VPS8: variants seen among roughly 807,000 people sequenced by gnomAD.
VPS8 encodes vacuolar protein sorting-associated protein 8 homolog.
Under a neutral mutation model 216.4 loss-of-function variants are expected in VPS8, and 129 were observed. The observed-to-expected ratio is 0.60, with a 90% CI of 0.52 to 0.69. VPS8 has a LOEUF of 0.69. Ranked by LOEUF, VPS8 falls within the 30% of genes least tolerant of loss-of-function variation. The probability of loss-of-function intolerance (pLI) is 0.00; values close to 1 mark genes in which losing one functional copy is unlikely to be tolerated. For missense variants in VPS8, 1,531 were observed against 1,683.5 expected (o/e 0.91, Z 1.59); for synonymous variants, 571 against 565.4 (o/e 1.01, Z -0.14).
At position 184,907,997 on chromosome 3, in the gene VPS8, C is replaced by G. The variant is rs113404499; in HGVS notation, c.2147-5522C>G. Among the ~76,000 whole-genome samples, 387 of 152,262 alleles carry G rather than the reference C, an allele frequency of 2.5e-3. 1 individual carries two copies. The highest frequency in any genetic ancestry group is 0.01 in the Middle Eastern group (3 of 294). On this transcript the variant is annotated intron_variant, in intron 25 of 47. Transcript: ENST00000625842. ...ACTCCAGGAATATGTTAGAACTTTTCAAAAGCCCCGCAGATCTCCCGTTCT... is the reference window on the plus strand; with the variant it reads ...ACTCCAGGAATATGTTAGAACTTTTGAAAAGCCCCGCAGATCTCCCGTTCT...
intron 45 of VPS8, among the ~76,000 whole-genome samples, chr3:185,008,059 C>T (rs1274546061): frequency 6.6e-6 from 1 of 151,758 alleles, no homozygotes; most frequent in African/African-American, 2.4e-5. Flanking sequence ...ATATATATTA[C>T]TATAATTAAA....
intron 1 of VPS8, among the ~76,000 whole-genome samples, chr3:184,813,119 G>A (rs1202431856): frequency 1.3e-5 from 2 of 152,116 alleles, no homozygotes; most frequent in Non-Finnish European, 2.9e-5. Context: ...GATAGGGTGG[G>A]AGGAGGTAGG....
intron 25 of VPS8, among the ~76,000 whole-genome samples, chr3:184,904,935 AC>A (rs1188993387): frequency 6.6e-6 from 1 of 152,206 alleles, no homozygotes; most frequent in East Asian, 1.9e-4. Context: ...ACACAAACTT[AC>A]GTCTTACAAT....
intron 13 of VPS8, 146 bp from the exon 14 acceptor site, chr3:184,855,565 C>A: frequency 1.5e-6 from 1 of 661,974 alleles, no homozygotes; most frequent in Non-Finnish European, 2.6e-6. Flanking sequence ...CCTCATGATA[C>A]CTCCCAGTTA....
At chr3:184,915,206 C>T (rs1357391114) in intron 27 of VPS8, 149 bp from the exon 28 acceptor site, 1 of 1,332,274 alleles carries the variant, frequency 7.5e-7, no homozygotes, top group African/African-American at 1.5e-5. Context: ...ATAATTAGAG[C>T]TGAGAAAGAA....
intron 28 of VPS8, among the ~76,000 whole-genome samples, chr3:184,917,498 C>T (rs1344331695): frequency 6.6e-6 from 1 of 152,110 alleles, no homozygotes; most frequent in Non-Finnish European, 1.5e-5. Flanking sequence ...GGCATGATCT[C>T]GGCTCACTGC....
intron 14 of VPS8, among the ~76,000 whole-genome samples, chr3:184,857,712 A>T (rs1222363949): frequency 1.3e-5 from 2 of 152,232 alleles, no homozygotes; most frequent in African/African-American, 4.8e-5. Flanking sequence ...CTCCATTACC[A>T]GTCTAGGCCA....
chr3:185,019,700 A>C (rs555052744), intron 45 of VPS8, among the ~76,000 whole-genome samples: 1 of 152,306 alleles, frequency 6.6e-6, no homozygotes, highest in South Asian at 2.1e-4. Context: ...ACAACCTTCC[A>C]GCGTGGGCGT....
At chr3:184,957,271 GT>G (rs1745761228) in intron 36 of VPS8, 102 bp from the exon 37 acceptor site, 2 of 1,195,700 alleles carry the variant, frequency 1.7e-6, no homozygotes, top group South Asian at 3.2e-5. Flanking sequence ...CCAGCAGGTA[GT>G]CCTAGTTTTA....
chr3:184,964,949 C>A (rs1351774089), intron 38 of VPS8, among the ~76,000 whole-genome samples: 1 of 152,136 alleles, frequency 6.6e-6, no homozygotes, highest in Non-Finnish European at 1.5e-5. Flanking sequence ...GGGATATATA[C>A]CCAGAAGTAG....
intron 45 of VPS8, among the ~76,000 whole-genome samples, chr3:185,004,227 C>T (rs910974404): frequency 2.0e-5 from 3 of 152,068 alleles, no homozygotes; most frequent in Non-Finnish European, 2.9e-5. Context: ...TCTGCAATCC[C>T]GGCACCCCGG....
chr3:184,907,008 A>G (rs1735622062), intron 25 of VPS8, among the ~76,000 whole-genome samples: 1 of 152,166 alleles, frequency 6.6e-6, no homozygotes, highest in African/African-American at 2.4e-5. Flanking sequence ...TAGAAAGTTT[A>G]TCTTGCCAAG....
intron 36 of VPS8, among the ~76,000 whole-genome samples, chr3:184,953,259 T>C (rs1444495775): frequency 6.6e-6 from 1 of 152,154 alleles, no homozygotes; most frequent in Non-Finnish European, 1.5e-5. Context: ...GGAAGAGTTT[T>C]TAAAGGCAGG....
At chr3:184,820,505 A>T (rs1486741488) in intron 1 of VPS8, among the ~76,000 whole-genome samples, 1 of 152,170 alleles carries the variant, frequency 6.6e-6, no homozygotes, top group Admixed American at 6.5e-5. Flanking sequence ...TTGCCATATC[A>T]AGTAACATAT....
chr3:184,903,523 T>G (rs1480982459), intron 25 of VPS8, among the ~76,000 whole-genome samples: 1 of 152,184 alleles, frequency 6.6e-6, no homozygotes, highest in Non-Finnish European at 1.5e-5. Context: ...GTGATCACAG[T>G]TCATTGCAGC....
rs536918620 is a variant in VPS8 at position 184,886,490 on chromosome 3, T to A, written c.1781+334T>A. Among the ~76,000 whole-genome samples, 20 of 150,902 alleles carry A rather than the reference T, an allele frequency of 1.3e-4. No homozygotes were observed. In the South Asian group the frequency reaches 1.5e-3, roughly 11 times the overall value. ...ATATATACACACACACACGCATATATACACACACATATATATATACACACA... is the reference window on the plus strand; with the variant it reads ...ATATATACACACACACACGCATATAAACACACACATATATATATACACACA... On this transcript the variant is annotated intron_variant, in intron 22 of 47. Coordinates refer to ENST00000625842, the MANE Select transcript of VPS8 (RefSeq NM_001009921.3).
rs146690541 is a variant in VPS8 at position 184,971,128 on chromosome 3, T to C, written c.3317-521T>C. On this transcript the variant is annotated intron_variant, in intron 39 of 47. Coordinates refer to ENST00000625842, the MANE Select transcript of VPS8 (RefSeq NM_001009921.3). ...CAGGACATCCATGTGGAAATAAATG[T>C]CTTAGGTTCATTAGAAAATTCAACC... is the stretch of plus-strand genomic sequence containing the variant. 1.8e-3 allele frequency among the ~76,000 whole-genome samples: 272 copies of C among 152,330 alleles called. 1 individual carries two copies. Among genetic ancestry groups the C allele is most frequent in the African/African-American group, 6.2e-3 (256 of 41,564 alleles).
At chr3:184,919,736 G>A (rs1251386484) in intron 28 of VPS8, among the ~76,000 whole-genome samples, 2 of 152,080 alleles carry the variant, frequency 1.3e-5, no homozygotes, top group Non-Finnish European at 2.9e-5. Flanking sequence ...AATAAAATGT[G>A]TCTTAGTTAT....
At chr3:185,038,262 TG>T (rs1330211421) in intron 46 of VPS8, among the ~76,000 whole-genome samples, 1 of 152,204 alleles carries the variant, frequency 6.6e-6, no homozygotes, top group Non-Finnish European at 1.5e-5. Flanking sequence ...GCTCTGGTTT[TG>T]TTGTTGTTTG....
Sources: gnomAD v4.1 joint callset for allele counts (sites outside exome capture counted in the v4.1 genomes callset) on GRCh38, gnomAD v4.1.1 for gene constraint, MANE v1.5 for transcripts, NCBI Gene and HGNC (gene_info 2026-07-23, HGNC 2026-07-21) for gene names.